MTX2: variants seen among roughly 807,000 people sequenced by gnomAD.
MTX2 encodes the protein metaxin-2.
Under a neutral mutation model 42.3 loss-of-function variants are expected in MTX2, and 35 were observed. The observed-to-expected ratio is 0.83, with a 90% CI of 0.63 to 1.10. The LOEUF is 1.10. Ranked by LOEUF, MTX2 falls within the 50% of genes least tolerant of loss-of-function variation. MTX2 has a pLI of 0.00. For missense variants in MTX2, 307 were observed against 304.1 expected (o/e 1.01, Z -0.07); for synonymous variants, 119 against 100.9 (o/e 1.18, Z -1.08).
intron 3 of MTX2, among the ~76,000 whole-genome samples, chr2:176,315,157 G>A (rs1282198321): frequency 6.6e-6 from 1 of 152,126 alleles, no homozygotes; most frequent in Non-Finnish European, 1.5e-5. Flanking sequence ...TTTGAAAAAA[G>A]AGTAGAGTTG....
chr2:176,325,290 C>T (rs528444466), intron 4 of MTX2, among the ~76,000 whole-genome samples: 7 of 151,778 alleles, frequency 4.6e-5, no homozygotes, highest in African/African-American at 9.6e-5. Context: ...ACCTTTGATT[C>T]GCACCAGAAA....
At position 176,329,484 on chromosome 2, in the gene MTX2, C is replaced by G. The variant is rs935296531; in HGVS notation, c.543+58C>G. ...ACTTTTATGCATTAAAAGAATCATT[C>G]TTTATATTGATACTCCTTTAAAAAA... is the stretch of plus-strand genomic sequence containing the variant. On this transcript the variant is annotated intron_variant, in intron 8 of 9. Coordinates refer to ENST00000249442, the MANE Select transcript of MTX2 (RefSeq NM_006554.5). 28 of 1,486,294 alleles carry G rather than the reference C, an allele frequency of 1.9e-5. No homozygotes were observed. The African/African-American group carries it at 2.7e-4, about 14-fold the overall frequency. 92.1% of individuals were successfully genotyped at this position (1,486,294 alleles called of 1,614,324 possible).
At chr2:176,281,994 T>C (rs541389396) in intron 1 of MTX2, among the ~76,000 whole-genome samples, 1 of 152,266 alleles carries the variant, frequency 6.6e-6, no homozygotes, top group Admixed American at 6.5e-5. Context: ...CTGTGTGTCT[T>C]TGATTAGGAA....
chr2:176,292,832 C>T (rs1693358523), intron 1 of MTX2, among the ~76,000 whole-genome samples: 1 of 151,904 alleles, frequency 6.6e-6, no homozygotes, highest in Admixed American at 6.6e-5. Context: ...TTTTTGTTTC[C>T]TTTTATTTAA....
chr2:176,324,941 G>A (rs1322194846), intron 4 of MTX2, among the ~76,000 whole-genome samples: 1 of 151,588 alleles, frequency 6.6e-6, no homozygotes, highest in East Asian at 1.9e-4. Context: ...TTGCTTCTTT[G>A]ATCTTGCGGT....
intron 3 of MTX2, among the ~76,000 whole-genome samples, chr2:176,310,177 C>G (rs757687973): frequency 2.0e-5 from 3 of 151,928 alleles, no homozygotes; most frequent in Non-Finnish European, 4.4e-5. Context: ...CTTAGTTTGG[C>G]TGGATATGAA....
intron 3 of MTX2, among the ~76,000 whole-genome samples, chr2:176,318,073 T>C: frequency 6.6e-6 from 1 of 152,200 alleles, no homozygotes; most frequent in East Asian, 1.9e-4. Context: ...AAAAATGGGT[T>C]GACATCTCTG....
rs182441944 is a variant in MTX2, at chr2:176,288,548, A to C, written c.41-8312A>C. On this transcript the variant is annotated intron_variant, in intron 1 of 9. Coordinates refer to ENST00000249442, the MANE Select transcript of MTX2 (RefSeq NM_006554.5). ...CCCATGTTTCTTGCTCCTTTTATAT[A>C]ACACTGTCTAAATAGTCTTGCTGTG... Among the ~76,000 whole-genome samples, 3 of 151,270 alleles carry C rather than the reference A, an allele frequency of 2.0e-5. No individual in the cohort carries two copies. In the East Asian group the frequency reaches 5.8e-4, roughly 29 times the overall value.
intron 1 of MTX2, among the ~76,000 whole-genome samples, chr2:176,270,063 A>C (rs987932268): frequency 6.6e-6 from 1 of 152,154 alleles, no homozygotes; most frequent in Admixed American, 6.5e-5. Context: ...AAAAAGTTTA[A>C]GGTGACTGTC....
chr2:176,273,223 A>T (rs1692866011), intron 1 of MTX2, among the ~76,000 whole-genome samples: 1 of 152,198 alleles, frequency 6.6e-6, no homozygotes, highest in African/African-American at 2.4e-5. Context: ...CCACCTGTTA[A>T]TACTGTCAGA....
At chr2:176,337,358 A>C (rs1685017304) in intron 9 of MTX2, 135 bp from the exon 10 acceptor site, 1 of 675,942 alleles carries the variant, frequency 1.5e-6, no homozygotes, top group Admixed American at 3.3e-5. Context: ...GTTATTTCTA[A>C]TCTTTTAAAA....
At chr2:176,270,649 G>A (rs1424817908) in intron 1 of MTX2, among the ~76,000 whole-genome samples, 2 of 152,186 alleles carry the variant, frequency 1.3e-5, no homozygotes, top group Admixed American at 6.5e-5. Flanking sequence ...AGTACAGAAT[G>A]TGTCATAAAA....
At chr2:176,330,975 T>C (rs1684849478) in intron 9 of MTX2, among the ~76,000 whole-genome samples, 1 of 151,022 alleles carries the variant, frequency 6.6e-6, no homozygotes, top group East Asian at 1.9e-4. Context: ...AATTCTAAAC[T>C]TGTACTATTA....
At chr2:176,317,061 T>A (rs1165150264) in intron 3 of MTX2, among the ~76,000 whole-genome samples, 1 of 151,242 alleles carries the variant, frequency 6.6e-6, no homozygotes, top group Non-Finnish European at 1.5e-5. Context: ...ACAAAAACTT[T>A]TATTTTCAGA....
At chr2:176,328,516 C>T in intron 6 of MTX2, 131 bp downstream of exon 6, 1 of 588,252 alleles carries the variant, frequency 1.7e-6, no homozygotes. Context: ...GAGTTGGCTA[C>T]CTAAATTATT....
intron 1 of MTX2, among the ~76,000 whole-genome samples, chr2:176,281,822 T>G (rs1021448178): frequency 5.9e-5 from 9 of 152,030 alleles, no homozygotes; most frequent in Non-Finnish European, 8.8e-5. Context: ...TTTTGTACGT[T>G]GTAATTAGTT....
At position 176,328,382 on chromosome 2, in the gene MTX2, A is replaced by C; in HGVS notation, c.375A>C (p.Ala125=). The change falls in exon 6 of 10, where the codon GCA becomes GCC. Residue 125 remains alanine, a synonymous_variant. Coordinates refer to ENST00000249442, the MANE Select transcript of MTX2 (RefSeq NM_006554.5). ...MELVNNMLLT[A]ELYLQWCDEA... ...TAGTCAACAATATGCTGTTGACTGC[A>C]GAGGTAAAATACTAGATGATACGGC... The C allele has an allele frequency of 1.3e-6, 2 of 1,552,018 alleles. No individual in the cohort carries two copies. The highest frequency in any genetic ancestry group is 1.8e-4 in the Middle Eastern group (1 of 5,692).
intron 7 of MTX2, 70 bp from the exon 8 acceptor site, chr2:176,329,231 A>C (rs1035420542): frequency 6.1e-5 from 90 of 1,480,974 alleles, no homozygotes; most frequent in Non-Finnish European, 8.1e-5. Context: ...TTTCTTTTAG[A>C]ATTCTATTTG....
chr2:176,286,267 A>G (rs974632466), intron 1 of MTX2, among the ~76,000 whole-genome samples: 2 of 152,212 alleles, frequency 1.3e-5, no homozygotes, highest in African/African-American at 4.8e-5. Context: ...TTTTGGATAT[A>G]TGCTGTATGA....
Sources: allele counts gnomAD v4.1 joint callset (sites outside exome capture counted in the v4.1 genomes callset), GRCh38; gene constraint gnomAD v4.1.1; transcripts MANE v1.5; gene names NCBI Gene and HGNC (gene_info 2026-07-23, HGNC 2026-07-21).